PPP1R16B: variants seen among roughly 807,000 people sequenced by gnomAD.
PPP1R16B encodes protein phosphatase 1 regulatory subunit 16B.
Under a neutral mutation model 61.7 loss-of-function variants are expected in PPP1R16B, and 14 were observed. That is an observed-to-expected ratio of 0.23 (90% CI 0.15 to 0.35). PPP1R16B has a LOEUF of 0.35. Among genes scored for constraint, PPP1R16B ranks in the 10% least tolerant of loss-of-function variants. PPP1R16B has a pLI of 1.00. For missense variants in PPP1R16B, 547 were observed against 752.5 expected (o/e 0.73, Z 3.19); for synonymous variants, 266 against 305.3 (o/e 0.87, Z 1.34).
Position 38,850,009 on chromosome 20 carries a change from C to T in PPP1R16B, c.250+13834C>T, listed in dbSNP as rs571880222. Among the ~76,000 whole-genome samples the T allele has an allele frequency of 3.3e-5, 5 of 152,258 alleles. No homozygotes were observed. In the East Asian group the frequency reaches 5.8e-4, roughly 18 times the overall value. ...AACAAGGTTAACAAAACAGTGTTCA[C>T]GTAGTGGAGAGTTCAAAGATAGCAC... is the stretch of plus-strand genomic sequence containing the variant. On this transcript the variant is annotated intron_variant, in intron 2 of 10. Coordinates refer to ENST00000299824, the MANE Select transcript of PPP1R16B (RefSeq NM_015568.4).
At chr20:38,903,603 A>G (rs1005655521) in intron 6 of PPP1R16B, among the ~76,000 whole-genome samples, 1 of 125,284 alleles carries the variant, frequency 8.0e-6, no homozygotes, top group Non-Finnish European at 1.8e-5. Flanking sequence ...CCATCCATCC[A>G]TCCATCCATC....
At chr20:38,812,485 G>C (rs1181730263) in intron 1 of PPP1R16B, among the ~76,000 whole-genome samples, 1 of 152,174 alleles carries the variant, frequency 6.6e-6, no homozygotes, top group African/African-American at 2.4e-5. Flanking sequence ...TTGAAGCTTG[G>C]CCAACGGGAA....
intron 2 of PPP1R16B, among the ~76,000 whole-genome samples, chr20:38,852,914 C>T (rs979725909): frequency 2.6e-5 from 4 of 151,860 alleles, no homozygotes; most frequent in African/African-American, 9.7e-5. Flanking sequence ...GCTGGGATTA[C>T]AGGTGCCAAC....
chr20:38,876,490 A>G (rs1002114801), intron 2 of PPP1R16B, among the ~76,000 whole-genome samples: 1 of 152,006 alleles, frequency 6.6e-6, no homozygotes, highest in African/African-American at 2.4e-5. Flanking sequence ...ACTTTCATGT[A>G]ATGTTCATGT....
At chr20:38,840,142 C>T (rs889552429) in intron 2 of PPP1R16B, among the ~76,000 whole-genome samples, 3 of 152,192 alleles carry the variant, frequency 2.0e-5, no homozygotes, top group Admixed American at 6.5e-5. Context: ...GGGCTATGCT[C>T]AGCTTCCTGG....
intron 2 of PPP1R16B, among the ~76,000 whole-genome samples, chr20:38,889,207 A>C (rs2085271567): frequency 6.6e-6 from 1 of 152,164 alleles, no homozygotes; most frequent in Admixed American, 6.5e-5. Context: ...CATTTTGCAG[A>C]TGAGAAAACT....
chr20:38,905,864 A>G (rs1357426524), intron 6 of PPP1R16B, 105 bp from the exon 7 acceptor site: 2 of 1,174,638 alleles, frequency 1.7e-6, no homozygotes, highest in East Asian at 2.5e-5. Context: ...ATTCCATTCT[A>G]CTGGCCCCAA....
chr20:38,861,141 G>A (rs1042478786), intron 2 of PPP1R16B, among the ~76,000 whole-genome samples: 1 of 152,206 alleles, frequency 6.6e-6, no homozygotes. Context: ...CTGGATTCCA[G>A]CCCCAGTTCT....
Position 38,869,158 on chromosome 20 carries a change from T to TA in PPP1R16B, c.251-20437_251-20436insA, listed in dbSNP as rs146321494. Among the ~76,000 whole-genome samples the TA allele has an allele frequency of 4.3e-4, 65 of 151,856 alleles. No individual in the cohort carries two copies. The East Asian group carries it at 9.3e-3, about 22-fold the overall frequency. On this transcript the variant is annotated intron_variant, in intron 2 of 10. Coordinates refer to ENST00000299824, the MANE Select transcript of PPP1R16B (RefSeq NM_015568.4). ...CACATAAAAAATTAGCCATTTTATT[T>TA]TTTTTTATTTATTTATTTTTGAGAC... is the stretch of plus-strand genomic sequence containing the variant.
intron 2 of PPP1R16B, among the ~76,000 whole-genome samples, chr20:38,879,044 C>G (rs1265039027): frequency 1.3e-5 from 2 of 152,042 alleles, no homozygotes; most frequent in African/African-American, 4.8e-5. Flanking sequence ...CTCTGCGGAG[C>G]GGAAGGGAGA....
chr20:38,874,141 G>T (rs1428170314), intron 2 of PPP1R16B, among the ~76,000 whole-genome samples: 1 of 152,178 alleles, frequency 6.6e-6, no homozygotes, highest in Non-Finnish European at 1.5e-5. Context: ...ATCCTAGGAG[G>T]CTGGGGTACT....
chr20:38,861,778 G>A (rs1486892105), intron 2 of PPP1R16B, among the ~76,000 whole-genome samples: 1 of 150,838 alleles, frequency 6.6e-6, no homozygotes, highest in African/African-American at 2.5e-5. Context: ...CCGGGTTCAA[G>A]CGATTCTCTT....
chr20:38,842,382 C>T (rs929356492), intron 2 of PPP1R16B, among the ~76,000 whole-genome samples: 2 of 152,134 alleles, frequency 1.3e-5, no homozygotes, highest in East Asian at 1.9e-4. Flanking sequence ...GCCCAGCCTC[C>T]CTTGAAACCA....
At chr20:38,849,458 G>T (rs998321043) in intron 2 of PPP1R16B, among the ~76,000 whole-genome samples, 1 of 151,922 alleles carries the variant, frequency 6.6e-6, no homozygotes, top group Non-Finnish European at 1.5e-5. Flanking sequence ...CTCTGTCTAC[G>T]TTCTTCCCAA....
At position 38,906,283 on chromosome 20, in the gene PPP1R16B, G is replaced by GTTTT. The variant is rs907617949; in HGVS notation, c.822+214_822+217dup. On this transcript the variant is annotated intron_variant, in intron 7 of 10. Coordinates refer to ENST00000299824, the MANE Select transcript of PPP1R16B (RefSeq NM_015568.4). ...AAAAACATTGGACAAAGCAAGTTGT[G>GTTTT]TTTTTTTTTTTTTTTTTTTTTTTTT... Among the ~76,000 whole-genome samples the GTTTT allele has an allele frequency of 2.3e-4, 23 of 101,262 alleles. 2 individuals are homozygous for GTTTT. Among genetic ancestry groups the GTTTT allele is most frequent in the East Asian group, 1.6e-3 (4 of 2,548 alleles). The allele number at this position is 101,262 out of a possible 152,430, so 66.4% of individuals were successfully genotyped here. A position where few individuals can be genotyped will look rare whatever the true frequency, so the allele number is the denominator to read the frequency against.
intron 10 of PPP1R16B, among the ~76,000 whole-genome samples, chr20:38,914,200 A>G (rs921991069): frequency 6.6e-6 from 1 of 151,874 alleles, no homozygotes; most frequent in Non-Finnish European, 1.5e-5. Context: ...AAAAAAAATC[A>G]TTTAGCAAGC....
intron 2 of PPP1R16B, among the ~76,000 whole-genome samples, chr20:38,889,002 C>T (rs190145186): frequency 6.6e-6 from 1 of 151,846 alleles, no homozygotes. Flanking sequence ...TCAGTAGGGC[C>T]AAAGAAGGGG....
intron 1 of PPP1R16B, among the ~76,000 whole-genome samples, chr20:38,826,577 G>A (rs1370928457): frequency 6.6e-6 from 1 of 152,236 alleles, no homozygotes; most frequent in African/African-American, 2.4e-5. Context: ...CTGAGCCTGA[G>A]AGAGCGGCTT....
intron 2 of PPP1R16B, among the ~76,000 whole-genome samples, chr20:38,868,368 C>A (rs1601275047): frequency 6.6e-6 from 1 of 151,990 alleles, no homozygotes; most frequent in Non-Finnish European, 1.5e-5. Flanking sequence ...GTTCTACACC[C>A]AGTTTACCCA....
Sources: allele counts gnomAD v4.1 joint callset (sites outside exome capture counted in the v4.1 genomes callset), GRCh38; gene constraint gnomAD v4.1.1; transcripts MANE v1.5; gene names NCBI Gene and HGNC (gene_info 2026-07-23, HGNC 2026-07-21).